The following MEGF9 variants were observed in gnomAD, a reference collection of about 807,000 sequenced individuals.
MEGF9 encodes the protein multiple epidermal growth factor-like domains protein 9.
Under a neutral mutation model 46.8 loss-of-function variants are expected in MEGF9, and 6 were observed. The observed-to-expected ratio is 0.13, with a 90% CI of 0.07 to 0.25. MEGF9 has a LOEUF of 0.25. Among genes scored for constraint, MEGF9 ranks in the 10% least tolerant of loss-of-function variants. MEGF9 has a pLI of 1.00. For missense variants in MEGF9, 683 were observed against 792.4 expected (o/e 0.86, Z 1.66); for synonymous variants, 302 against 330.7 (o/e 0.91, Z 0.94).
chr9:120,650,755 T>A (rs751068273), intron 2 of MEGF9, among the ~76,000 whole-genome samples: 3 of 152,192 alleles, frequency 2.0e-5, no homozygotes, highest in Non-Finnish European at 4.4e-5. Context: ...CAGAAGAGAA[T>A]TTGGTGTTAG....
intron 1 of MEGF9, among the ~76,000 whole-genome samples, chr9:120,691,244 C>G (rs1422400031): frequency 1.3e-5 from 2 of 152,076 alleles, no homozygotes; most frequent in African/African-American, 4.8e-5. Context: ...AGATTTAGCT[C>G]TAGCAACATA....
chr9:120,706,768 G>C (rs1335555331), intron 1 of MEGF9, among the ~76,000 whole-genome samples: 1 of 152,210 alleles, frequency 6.6e-6, no homozygotes, highest in Non-Finnish European at 1.5e-5. Flanking sequence ...CCAGGAGGTT[G>C]AGGCTGCAGT....
In MEGF9 at chr9:120,691,473, C is replaced by T. The variant is rs190234271; in HGVS notation, c.601+22285G>A. On this transcript the variant is annotated intron_variant, in intron 1 of 5. Coordinates refer to ENST00000373930, the MANE Select transcript of MEGF9 (RefSeq NM_001080497.3). ...GCATCTTTGCCACAGGCCACTGATG[C>T]CCTGAACAAGAAGTCAGATTTCAAA... 1.0e-3 allele frequency: 467 copies of T among 459,160 alleles called. 2 individuals carry two copies. Among genetic ancestry groups the T allele is most frequent in the South Asian group, 3.8e-4 (23 of 60,448 alleles). 28.4% of individuals were successfully genotyped at this position (459,160 alleles called of 1,614,324 possible).
In MEGF9 at chr9:120,605,766, T is replaced by A. The variant is rs190092717; in HGVS notation, c.1358-125A>T. 1.6e-4 allele frequency: 111 copies of A among 702,884 alleles called. No homozygotes were observed. Among genetic ancestry groups the A allele is most frequent in the Admixed American group, 6.8e-4 (23 of 34,024 alleles). 43.5% of individuals were successfully genotyped at this position (702,884 alleles called of 1,614,324 possible). The stretch of plus-strand genomic sequence containing the variant: ...GTTAACATGATATTCTGCTTTAAGG[T>A]AATGCAAGTTAAAAATAATGTTTAA... On this transcript the variant is annotated intron_variant, in intron 5 of 5. Coordinates refer to ENST00000373930, the MANE Select transcript of MEGF9 (RefSeq NM_001080497.3). The surrounding 1 kb of genome is among the most constrained non-coding windows in gnomAD (Gnocchi z 4.0).
chr9:120,655,112 C>T (rs73552132), intron 2 of MEGF9, among the ~76,000 whole-genome samples: 3 of 151,550 alleles, frequency 2.0e-5, no homozygotes, highest in Non-Finnish European at 4.4e-5. Context: ...TTTAGTGTAG[C>T]CTAAGTGTGC....
At position 120,707,453 on chromosome 9, in the gene MEGF9, C is replaced by A. The variant is rs537529296; in HGVS notation, c.601+6305G>T. The stretch of plus-strand genomic sequence containing the variant: ...GATACGTGCAGTTTGCTGCAGATAT[C>A]TTAATGTGTTTGATTACAGGATGCT... On this transcript the variant is annotated intron_variant, in intron 1 of 5. Transcript: ENST00000373930. 2.6e-5 allele frequency among the ~76,000 whole-genome samples: 4 copies of A among 152,304 alleles called. No homozygotes were observed. The East Asian group carries it at 7.7e-4, about 29-fold the overall frequency.
At chr9:120,692,181 T>C (rs1300959551) in intron 1 of MEGF9, among the ~76,000 whole-genome samples, 2 of 152,166 alleles carry the variant, frequency 1.3e-5, no homozygotes, top group Non-Finnish European at 2.9e-5. Flanking sequence ...CTCTCTTCAG[T>C]TCCTAGCACA....
chr9:120,641,051 C>T (rs1183643306), intron 2 of MEGF9, among the ~76,000 whole-genome samples: 1 of 152,146 alleles, frequency 6.6e-6, no homozygotes, highest in South Asian at 2.1e-4. Context: ...TTCTTTTTTA[C>T]AGCTGCATAG....
chr9:120,675,887 CAAAAAAAAAAA>C (rs1173047863), intron 1 of MEGF9, among the ~76,000 whole-genome samples: 1 of 58,170 alleles, frequency 1.7e-5, no homozygotes, highest in African/African-American at 7.2e-5. Context: ...GACTCCATCT[CAAAAAAAAAAA>C]AAAAAAAAAA....
At chr9:120,690,386 T>C (rs928421979) in intron 1 of MEGF9, among the ~76,000 whole-genome samples, 1 of 152,192 alleles carries the variant, frequency 6.6e-6, no homozygotes, top group African/African-American at 2.4e-5. Flanking sequence ...TGTGTATATA[T>C]TAAAGGATAT....
intron 2 of MEGF9, among the ~76,000 whole-genome samples, chr9:120,650,515 CT>C (rs2043644894): frequency 6.6e-6 from 1 of 151,604 alleles, no homozygotes; most frequent in Non-Finnish European, 1.5e-5. Flanking sequence ...ACATAAAGAA[CT>C]TTGTGTTTGC....
At chr9:120,619,361 C>T (rs2132302676) in intron 3 of MEGF9, among the ~76,000 whole-genome samples, 1 of 152,226 alleles carries the variant, frequency 6.6e-6, no homozygotes, top group South Asian at 2.1e-4. Flanking sequence ...AAAAACAAAA[C>T]AAAACAAAAC....
chr9:120,689,850 A>C (rs1441724210), intron 1 of MEGF9: 1 of 474,478 alleles, frequency 2.1e-6, no homozygotes, highest in African/African-American at 2.0e-5. Context: ...TCTCTAAGAC[A>C]GCACCTTTAC....
chr9:120,676,757 T>C (rs1477674551), intron 1 of MEGF9, among the ~76,000 whole-genome samples: 1 of 152,226 alleles, frequency 6.6e-6, no homozygotes, highest in African/African-American at 2.4e-5. Context: ...TTATTACTAT[T>C]ATAATAAAAA....
intron 1 of MEGF9, among the ~76,000 whole-genome samples, chr9:120,682,705 C>T (rs115301906): frequency 0.015 from 2,283 of 152,268 alleles, 58 homozygotes; most frequent in African/African-American, 0.052. Context: ...ACCTCAGCGT[C>T]CCGAGTAGCT....
intron 1 of MEGF9, chr9:120,691,606 C>T (rs894758542): frequency 3.7e-6 from 1 of 271,886 alleles, no homozygotes; most frequent in Non-Finnish European, 7.8e-6. Flanking sequence ...AGATGAATTG[C>T]TATTCCAATG....
intron 3 of MEGF9, among the ~76,000 whole-genome samples, chr9:120,615,686 A>C (rs1189261939): frequency 2.6e-5 from 4 of 152,046 alleles, no homozygotes; most frequent in African/African-American, 9.7e-5. Context: ...CTTGAGCCCC[A>C]GAGTTTGAGA....
chr9:120,677,729 A>G (rs1459767829), intron 1 of MEGF9, among the ~76,000 whole-genome samples: 1 of 152,246 alleles, frequency 6.6e-6, no homozygotes, highest in African/African-American at 2.4e-5. Flanking sequence ...GATATGGACT[A>G]TACTAAGCTA....
At chr9:120,659,670 T>A (rs2043693369) in intron 1 of MEGF9, 95 bp from the exon 2 acceptor site, 1 of 1,036,574 alleles carries the variant, frequency 9.6e-7, no homozygotes, top group South Asian at 1.7e-5. Context: ...TAAATTTTCA[T>A]GACAACTTTG....
Sources: allele counts gnomAD v4.1 joint callset (sites outside exome capture counted in the v4.1 genomes callset), GRCh38; gene constraint gnomAD v4.1.1; non-coding constraint Gnocchi (gnomAD v3.1); transcripts MANE v1.5; gene names NCBI Gene and HGNC (gene_info 2026-07-23, HGNC 2026-07-21).